The following CLYBL variants were observed in gnomAD, a reference collection of about 807,000 sequenced individuals.
CLYBL encodes the protein citramalyl-CoA lyase, mitochondrial.
A neutral mutation model predicts 38.9 loss-of-function variants in CLYBL; 31 were observed. That is an observed-to-expected ratio of 0.80 (90% CI 0.60 to 1.08). The LOEUF is 1.08. CLYBL is among the 50% of genes least tolerant of loss of function. CLYBL has a pLI of 0.00. For missense variants in CLYBL, 434 were observed against 411.6 expected (o/e 1.05, Z -0.47); for synonymous variants, 171 against 158.6 (o/e 1.08, Z -0.59).
chr13:99,744,137 T>G (rs976150140), intron 1 of CLYBL, among the ~76,000 whole-genome samples: 8 of 152,008 alleles, frequency 5.3e-5, no homozygotes, highest in African/African-American at 1.9e-4. Flanking sequence ...CACGCCCGGT[T>G]AATTTTTTGT....
Position 99,765,199 on chromosome 13 carries a change from T to C in CLYBL, c.63-7625T>C, listed in dbSNP as rs145253072. Reference sequence around the variant, plus strand: ...GATAACTTTGCTGAATACAATATTTTTGGATGGCAGTTTTTTCAGCACTTT... The same window carrying C: ...GATAACTTTGCTGAATACAATATTTCTGGATGGCAGTTTTTTCAGCACTTT... On this transcript the variant is annotated intron_variant, in intron 1 of 8. Transcript: ENST00000339105. Among the ~76,000 whole-genome samples, 3 of 152,184 alleles carry C rather than the reference T, an allele frequency of 2.0e-5. No individual in the cohort carries two copies. In the East Asian group the frequency reaches 5.8e-4, roughly 29 times the overall value.
intron 2 of CLYBL, among the ~76,000 whole-genome samples, chr13:99,855,179 T>C (rs1457498578): frequency 2.0e-5 from 3 of 152,184 alleles, no homozygotes; most frequent in African/African-American, 7.2e-5. Context: ...GACAAGTTCA[T>C]TCCACAGTGA....
At chr13:99,668,168 G>A (rs1364450920) in intron 1 of CLYBL, among the ~76,000 whole-genome samples, 2 of 152,144 alleles carry the variant, frequency 1.3e-5, no homozygotes, top group African/African-American at 4.8e-5. Context: ...CAGCTACGTG[G>A]GAGGCTGGGG....
chr13:99,651,658 GCA>G (rs1733150980), intron 1 of CLYBL, among the ~76,000 whole-genome samples: 1 of 152,212 alleles, frequency 6.6e-6, no homozygotes, highest in African/African-American at 2.4e-5. Flanking sequence ...GTGGCCAGGT[GCA>G]GTGGCTCACG....
intron 8 of CLYBL, chr13:99,892,048 C>G (rs572223173): frequency 6.6e-6 from 1 of 152,166 alleles, no homozygotes; most frequent in Non-Finnish European, 1.5e-5. Flanking sequence ...ACGATGAACA[C>G]GAAAGCTGTC....
chr13:99,711,808 T>C (rs1594133154), intron 1 of CLYBL, among the ~76,000 whole-genome samples: 1 of 145,966 alleles, frequency 6.9e-6, no homozygotes, highest in Non-Finnish European at 1.5e-5. Context: ...CTTCACCTCC[T>C]GGGTTCAAGC....
intron 1 of CLYBL, among the ~76,000 whole-genome samples, chr13:99,622,120 G>A (rs918468365): frequency 2.6e-5 from 4 of 152,182 alleles, no homozygotes; most frequent in Non-Finnish European, 4.4e-5. Flanking sequence ...CATCTCTCGG[G>A]TTCTGTTGCT....
At chr13:99,839,923 T>A (rs968701158) in intron 2 of CLYBL, among the ~76,000 whole-genome samples, 3 of 151,426 alleles carry the variant, frequency 2.0e-5, no homozygotes, top group Admixed American at 6.6e-5. Context: ...TCATTCATAT[T>A]TTTTTTTGTA....
intron 1 of CLYBL, among the ~76,000 whole-genome samples, chr13:99,615,028 A>G (rs1214983011): frequency 6.6e-6 from 1 of 152,232 alleles, no homozygotes; most frequent in Non-Finnish European, 1.5e-5. Flanking sequence ...TCAGTTGCTA[A>G]TAACAGGATA....
intron 1 of CLYBL, among the ~76,000 whole-genome samples, chr13:99,735,449 G>A (rs2048651866): frequency 1.3e-5 from 2 of 151,922 alleles, no homozygotes; most frequent in African/African-American, 4.8e-5. Context: ...TCCCACCTCA[G>A]CCTCCCAAAG....
intron 1 of CLYBL, among the ~76,000 whole-genome samples, chr13:99,666,953 A>T (rs2047490391): frequency 6.6e-6 from 1 of 152,118 alleles, no homozygotes; most frequent in Non-Finnish European, 1.5e-5. Context: ...AAAGCAGTGG[A>T]TGCCTCTCAC....
intron 2 of CLYBL, among the ~76,000 whole-genome samples, chr13:99,783,543 G>A (rs973943413): frequency 1.1e-4 from 17 of 151,518 alleles, no homozygotes; most frequent in Admixed American, 1.3e-4. Context: ...TGCAAGCACC[G>A]CCTCCTGGGT....
At chr13:99,733,544 A>G (rs552390133) in intron 1 of CLYBL, among the ~76,000 whole-genome samples, 1 of 152,362 alleles carries the variant, frequency 6.6e-6, no homozygotes, top group South Asian at 2.1e-4. Flanking sequence ...AGGCATTATT[A>G]GTCATCAGGA....
intron 2 of CLYBL, among the ~76,000 whole-genome samples, chr13:99,848,286 C>T (rs1263957959): frequency 2.0e-5 from 3 of 152,316 alleles, no homozygotes. Context: ...ATGGGGCTTT[C>T]ATCGCCACAA....
chr13:99,841,812 C>CTTTT (rs67827288), intron 2 of CLYBL, among the ~76,000 whole-genome samples: 4 of 105,394 alleles, frequency 3.8e-5, no homozygotes, highest in East Asian at 2.6e-4. Flanking sequence ...TTTTCTTTTC[C>CTTTT]TTTTTTTTTT....
intron 1 of CLYBL, among the ~76,000 whole-genome samples, chr13:99,657,981 C>T (rs991399657): frequency 4.6e-5 from 7 of 152,234 alleles, no homozygotes; most frequent in African/African-American, 1.7e-4. Context: ...AAGCCCGTGC[C>T]TTCCTCGCCC....
intron 7 of CLYBL, among the ~76,000 whole-genome samples, chr13:99,872,365 A>T (rs1410866795): frequency 2.6e-5 from 4 of 152,206 alleles, no homozygotes; most frequent in Non-Finnish European, 5.9e-5. Flanking sequence ...TAGAAACAAT[A>T]TTTTAAGTTG....
chr13:99,632,947 A>ATAG, intron 1 of CLYBL, among the ~76,000 whole-genome samples: 1 of 152,300 alleles, frequency 6.6e-6, no homozygotes, highest in Non-Finnish European at 1.5e-5. Context: ...CAGCTTAGAA[A>ATAG]TAGTAGCTAT....
rs2049461951 is a variant in CLYBL, at chr13:99,774,221, A to C, written c.249+1211A>C. On this transcript the variant is annotated intron_variant, in intron 2 of 8. Transcript: ENST00000339105. ...GCACTCCAGCTTGGGCAACAGAGTG[A>C]GACCCTGTCTCCAAAAAAGTTTTAA... Among the ~76,000 whole-genome samples, 3 of 152,226 alleles carry C rather than the reference A, an allele frequency of 2.0e-5. No individual in the cohort carries two copies. In the South Asian group the frequency reaches 6.2e-4, roughly 31 times the overall value.
Sources: gnomAD v4.1 joint callset for allele counts (sites outside exome capture counted in the v4.1 genomes callset) on GRCh38, gnomAD v4.1.1 for gene constraint, MANE v1.5 for transcripts, NCBI Gene and HGNC (gene_info 2026-07-23, HGNC 2026-07-21) for gene names.